The following NRXN1 variants were observed in gnomAD, a reference collection of about 807,000 sequenced individuals.
NRXN1 encodes neurexin-1.
NRXN1 carries 39 observed loss-of-function variants against 150.9 expected under a neutral mutation model. The observed-to-expected ratio is 0.26, with a 90% CI of 0.20 to 0.34. The LOEUF (loss-of-function observed/expected upper bound fraction) is 0.34, where lower values mean the gene tolerates loss of function less well. NRXN1 is among the 10% of genes least tolerant of loss of function. The pLI is 1.00. For missense variants in NRXN1, 1,815 were observed against 1,949.9 expected, an observed-to-expected ratio of 0.93 and a Z score of 1.30; for synonymous variants, 924 against 757.0, an observed-to-expected ratio of 1.22 and a Z score of -3.62.
At chr2:50,651,229 T>A (rs1330003518) in intron 5 of NRXN1, among the ~76,000 whole-genome samples, 2 of 151,954 alleles carry the variant, frequency 1.3e-5, no homozygotes, top group Non-Finnish European at 2.9e-5. Flanking sequence ...ATATGGTAAT[T>A]CTCTCCTGTA....
chr2:50,567,898 T>C (rs1035103638), intron 8 of NRXN1, among the ~76,000 whole-genome samples: 1 of 152,156 alleles, frequency 6.6e-6, no homozygotes, highest in Non-Finnish European at 1.5e-5. Flanking sequence ...CCTGCTGATA[T>C]AGTAGAAAAG....
At chr2:49,935,381 AT>A (rs780223280) in intron 22 of NRXN1, among the ~76,000 whole-genome samples, 19 of 150,672 alleles carry the variant, frequency 1.3e-4, no homozygotes, top group South Asian at 2.1e-4. Flanking sequence ...TCTTTCTCCT[AT>A]TTTTTTTTAA....
At chr2:50,194,108 T>C (rs554901170) in intron 18 of NRXN1, among the ~76,000 whole-genome samples, 23 of 152,284 alleles carry the variant, frequency 1.5e-4, no homozygotes, top group African/African-American at 5.5e-4. Context: ...GAACTACAAC[T>C]CAGACCCAGG....
intron 8 of NRXN1, among the ~76,000 whole-genome samples, chr2:50,597,671 T>C (rs773323020): frequency 1.3e-5 from 2 of 152,200 alleles, no homozygotes; most frequent in Non-Finnish European, 2.9e-5. Flanking sequence ...CCTCTTTAAC[T>C]GCATGTTTCT....
intron 5 of NRXN1, among the ~76,000 whole-genome samples, chr2:50,760,634 TA>T (rs949561739): frequency 6.6e-6 from 1 of 151,720 alleles, no homozygotes; most frequent in African/African-American, 2.4e-5. Flanking sequence ...CAATCATTTT[TA>T]AAAGTCTGGC....
intron 5 of NRXN1, among the ~76,000 whole-genome samples, chr2:50,862,232 A>G (rs1482221460): frequency 6.6e-6 from 1 of 151,890 alleles, no homozygotes; most frequent in East Asian, 1.9e-4. Context: ...TCATGCTAGT[A>G]TAGTAGGAAT....
At chr2:50,051,081 C>G (rs1692639885) in intron 21 of NRXN1, among the ~76,000 whole-genome samples, 1 of 151,950 alleles carries the variant, frequency 6.6e-6, no homozygotes, top group South Asian at 2.1e-4. Flanking sequence ...CTGCTGCTGT[C>G]TTCAAACATG....
intron 17 of NRXN1, among the ~76,000 whole-genome samples, chr2:50,459,628 CA>C (rs1304038427): frequency 6.6e-6 from 1 of 152,120 alleles, no homozygotes; most frequent in Non-Finnish European, 1.5e-5. Context: ...CATTATCCCA[CA>C]AAAGACATTA....
intron 21 of NRXN1, among the ~76,000 whole-genome samples, chr2:49,985,660 G>C (rs1442195614): frequency 6.6e-6 from 1 of 152,150 alleles, no homozygotes; most frequent in Non-Finnish European, 1.5e-5. Context: ...TGACAAGCAA[G>C]ACAAATGGAG....
intron 8 of NRXN1, among the ~76,000 whole-genome samples, chr2:50,609,267 G>C (rs1677635346): frequency 6.6e-6 from 1 of 152,128 alleles, no homozygotes; most frequent in African/African-American, 2.4e-5. Context: ...GTAGGGGTCA[G>C]TGTAAAATGA....
intron 8 of NRXN1, among the ~76,000 whole-genome samples, chr2:50,556,524 G>T (rs1247368488): frequency 1.2e-4 from 18 of 148,448 alleles, no homozygotes; most frequent in African/African-American, 4.5e-4. Flanking sequence ...TTTTTTTAAA[G>T]AGTGATTCAA....
chr2:50,373,626 AAAAGAAAGAAAGAAAGAAAGAAAG>A lies in NRXN1; in HGVS notation c.3364+91792_3364+91815del, dbSNP rs202127677. Among the ~76,000 whole-genome samples, 322 of 98,534 alleles carry A rather than the reference AAAAGAAAGAAAGAAAGAAAGAAAG, an allele frequency of 3.3e-3. 2 individuals carry two copies. Among genetic ancestry groups the A allele is most frequent in the Middle Eastern group, 4.9e-3 (1 of 204 alleles). 64.6% of individuals were successfully genotyped at this position (98,534 alleles called of 152,430 possible). On this transcript the variant is annotated intron_variant, in intron 17 of 22. Coordinates refer to ENST00000401669, the MANE Select transcript of NRXN1 (RefSeq NM_001330078.2). ...GAGAAAGAAAGAGAGAGAGAGAAAGAAAAGAAAGAAAGAAAGAAAGAAAGAAAGAAAGAAAGAAAGAAAGAAAGA... is the reference window on the plus strand; with the variant it reads ...GAGAAAGAAAGAGAGAGAGAGAAAGAAAAGAAAGAAAGAAAGAAAGAAAGA...
chr2:50,865,295 A>G (rs1676720982), intron 5 of NRXN1, among the ~76,000 whole-genome samples: 1 of 151,962 alleles, frequency 6.6e-6, no homozygotes. Context: ...CCTGTAATTT[A>G]TATTTCATTA....
At chr2:50,786,268 G>A (rs928991090) in intron 5 of NRXN1, among the ~76,000 whole-genome samples, 10 of 152,174 alleles carry the variant, frequency 6.6e-5, no homozygotes, top group African/African-American at 9.6e-5. Flanking sequence ...GCATGATGCC[G>A]TCTCTAAATG....
chr2:50,711,292 G>A (rs899446183), intron 5 of NRXN1, among the ~76,000 whole-genome samples: 17 of 101,940 alleles, frequency 1.7e-4, no homozygotes, highest in Non-Finnish European at 2.5e-4. Flanking sequence ...ACTTTCATCT[G>A]TTTAGGTGAC....
intron 5 of NRXN1, among the ~76,000 whole-genome samples, chr2:50,827,383 T>C (rs1041777786): frequency 6.6e-6 from 1 of 152,164 alleles, no homozygotes; most frequent in African/African-American, 2.4e-5. Context: ...TAGCAGCAAA[T>C]AATTAATGTG....
At chr2:50,664,799 A>T (rs915611363) in intron 5 of NRXN1, among the ~76,000 whole-genome samples, 2 of 151,640 alleles carry the variant, frequency 1.3e-5, no homozygotes, top group Non-Finnish European at 2.9e-5. Flanking sequence ...AACAAAAACT[A>T]TGAAGCTGTA....
intron 17 of NRXN1, among the ~76,000 whole-genome samples, chr2:50,297,621 C>T (rs1365233777): frequency 6.6e-6 from 1 of 152,150 alleles, no homozygotes; most frequent in African/African-American, 2.4e-5. Context: ...TAATATTTCA[C>T]AACAGAAGTC....
intron 5 of NRXN1, among the ~76,000 whole-genome samples, chr2:50,726,093 T>C (rs1226155386): frequency 6.6e-6 from 1 of 152,172 alleles, no homozygotes; most frequent in African/African-American, 2.4e-5. Flanking sequence ...ATATTTCCCA[T>C]AAATTACAAT....
Sources: allele counts gnomAD v4.1 joint callset (sites outside exome capture counted in the v4.1 genomes callset), GRCh38; gene constraint gnomAD v4.1.1; transcripts MANE v1.5; gene names NCBI Gene and HGNC (gene_info 2026-07-23, HGNC 2026-07-21).